Variants in CLSTN1 observed in about 807,000 individuals in gnomAD.
CLSTN1 encodes the protein calsyntenin-1.
In CLSTN1, 28 loss-of-function variants were observed where a neutral mutation model predicts 108.3. That is an observed-to-expected ratio of 0.26 (90% confidence interval 0.19 to 0.35). CLSTN1 has a LOEUF of 0.35. Ranked by LOEUF, CLSTN1 falls within the 10% of genes least tolerant of loss-of-function variation. CLSTN1 has a pLI of 1.00. For synonymous variants in CLSTN1, 524 were observed against 534.9 expected (o/e 0.98, Z 0.28); for missense variants, 1,157 against 1,302.6 (o/e 0.89, Z 1.72).
At chr1:9,817,219 T>C (rs969112747) in intron 1 of CLSTN1, among the ~76,000 whole-genome samples, 1 of 152,226 alleles carries the variant, frequency 6.6e-6, no homozygotes, top group Non-Finnish European at 1.5e-5. Context: ...CTTTTTAAGA[T>C]AATGATTCAT....
intron 2 of CLSTN1, among the ~76,000 whole-genome samples, chr1:9,770,081 AG>A (rs1652597670): frequency 6.6e-6 from 1 of 152,090 alleles, no homozygotes; most frequent in Non-Finnish European, 1.5e-5. Flanking sequence ...TCTCCAAAAA[AG>A]AAAAAAGAAA....
In CLSTN1 at chr1:9,749,624, A is replaced by G. The variant is rs1168133558; in HGVS notation, c.822T>C (p.Tyr274=). ...CGGCCAACGCGCCGGTGCCCGGCTC[A>G]TACTCAATCCTGTTGTTCCATCCTG... The part of the protein sequence containing the change: ...GWQGWNNRIE[Y]EPGTGALAVF... Residue 274 remains tyrosine, a synonymous_variant, in exon 7 of 19, where the codon TAT becomes TAC. Transcript: ENST00000377298. 3 of 1,614,102 alleles carry G rather than the reference A, an allele frequency of 1.9e-6. No homozygotes were observed. Among genetic ancestry groups the G allele is most frequent in the African/African-American group, 1.3e-5 (1 of 75,070 alleles).
intron 1 of CLSTN1, among the ~76,000 whole-genome samples, chr1:9,809,840 G>C (rs1654656153): frequency 1.3e-5 from 2 of 151,176 alleles, no homozygotes; most frequent in South Asian, 4.2e-4. Flanking sequence ...GACAGAGGTT[G>C]CAGTGAACCG....
chr1:9,741,195 TAG>T lies in CLSTN1; in HGVS notation c.1416_1417del (p.Tyr473CysfsTer13). 1.2e-6 allele frequency: 2 copies of T among 1,614,022 alleles called. No individual in the cohort carries two copies. The highest frequency in any genetic ancestry group is 8.5e-7 in the Non-Finnish European group (1 of 1,179,968). On this transcript the variant is annotated frameshift_variant, in exon 10 of 19. Coordinates refer to ENST00000377298, the MANE Select transcript of CLSTN1 (RefSeq NM_001009566.3). LOFTEE classifies it high-confidence loss of function. ...GGGCTCGTGGGACGTGCCATCCACA[TAG>T]AGAGTCACACTCGGGAATTCTACAT...
At chr1:9,764,611 T>G (rs1404034502) in intron 2 of CLSTN1, among the ~76,000 whole-genome samples, 1 of 135,910 alleles carries the variant, frequency 7.4e-6, no homozygotes, top group Non-Finnish European at 1.5e-5. Context: ...CATTCCAGCC[T>G]GGGTGATGAA....
At chr1:9,771,305 C>G (rs2101155820) in intron 2 of CLSTN1, among the ~76,000 whole-genome samples, 1 of 152,258 alleles carries the variant, frequency 6.6e-6, no homozygotes, top group Admixed American at 6.5e-5. Context: ...CATGGTGAAA[C>G]CTCGTCTCTA....
Position 9,741,132 on chromosome 1 carries a change from T to A in CLSTN1, c.1481A>T (p.Lys494Met). Residue 494 changes from lysine to methionine, a missense_variant, in exon 10 of 19, where the codon AAG becomes ATG. Transcript: ENST00000377298. ...CCCCACCACGAGCTGAGTTTCTATC[T>A]TGGATGGATGGAGCGGGTAATCCTC... ...VTEDYPLHPSKIETQLVVGAC... is the reference protein window; with the variant it reads ...VTEDYPLHPSMIETQLVVGAC... The A allele has an allele frequency of 6.2e-7, 1 of 1,614,096 alleles. No individual in the cohort carries two copies. The highest frequency in any genetic ancestry group is 8.5e-7 in the Non-Finnish European group (1 of 1,179,992).
intron 1 of CLSTN1, among the ~76,000 whole-genome samples, chr1:9,815,527 G>C (rs1282916193): frequency 6.6e-6 from 1 of 152,190 alleles, no homozygotes; most frequent in Non-Finnish European, 1.5e-5. Context: ...TAACAAACTA[G>C]AAAACTGTGA....
chr1:9,775,627 T>A (rs1293361842), intron 1 of CLSTN1, among the ~76,000 whole-genome samples: 1 of 152,136 alleles, frequency 6.6e-6, no homozygotes, highest in Non-Finnish European at 1.5e-5. Context: ...TCCTTTTATG[T>A]TCACCTTAAG....
Position 9,734,834 on chromosome 1 carries a change from C to G in CLSTN1, c.2110+114G>C. 1.2e-6 allele frequency: 1 copy of G among 866,616 alleles called. No individual in the cohort carries two copies. The allele number at this position is 866,616 out of a possible 1,614,324, so 53.7% of individuals were successfully genotyped here. On this transcript the variant is annotated intron_variant, in intron 14 of 18. Transcript: ENST00000377298. The surrounding 1 kb of genome is among the most constrained non-coding windows in gnomAD (Gnocchi z 4.8). ...AGAAGCACACCCGAGAGAACACCAA[C>G]GAAAGATTAAAACCTCCCCAAATCC... is the stretch of plus-strand genomic sequence containing the variant.
chr1:9,773,094 T>G (rs1652768083), intron 2 of CLSTN1, among the ~76,000 whole-genome samples, 178 bp downstream of exon 2: 1 of 152,170 alleles, frequency 6.6e-6, no homozygotes, highest in Admixed American at 6.6e-5. Flanking sequence ...AGAACAGGCC[T>G]TTTTGTCAGC....
chr1:9,737,664 A>T lies in CLSTN1; in HGVS notation c.1520-110T>A, dbSNP rs962220742. On this transcript the variant is annotated intron_variant, in intron 10 of 18. Transcript: ENST00000377298. ...AACCAACTATAAAACATGAAGAGAA[A>T]ATTCCCTCGTGATCCCGCTCTGGGA... is the stretch of plus-strand genomic sequence containing the variant. 1.5e-5 allele frequency: 14 copies of T among 936,278 alleles called. No individual in the cohort carries two copies. In the African/African-American group the frequency reaches 2.2e-4, roughly 14 times the overall value. The allele number at this position is 936,278 out of a possible 1,614,324, so 58.0% of individuals were successfully genotyped here.
rs765049139 is a variant in CLSTN1, at chr1:9,741,079, G to C, written c.1519+15C>G. The stretch of plus-strand genomic sequence containing the variant: ...CTTAATTCTCGAGTCGAGGGCGGGG[G>C]GTAATGACAGGTACCTTGCCAGCAA... On this transcript the variant is annotated intron_variant, in intron 10 of 18. Transcript: ENST00000377298. 1.2e-6 allele frequency: 2 copies of C among 1,609,628 alleles called. No individual in the cohort carries two copies. The highest frequency in any genetic ancestry group is 1.7e-6 in the Non-Finnish European group (2 of 1,176,964).
At chr1:9,812,954 A>G (rs960060216) in intron 1 of CLSTN1, among the ~76,000 whole-genome samples, 2 of 151,824 alleles carry the variant, frequency 1.3e-5, no homozygotes, top group African/African-American at 4.8e-5. Context: ...ACTTGAGGTC[A>G]GGAGCTCAAG....
intron 1 of CLSTN1, among the ~76,000 whole-genome samples, chr1:9,777,929 T>C (rs1461605514): frequency 6.6e-6 from 1 of 152,120 alleles, no homozygotes; most frequent in Non-Finnish European, 1.5e-5. Flanking sequence ...TCCTTCCTGC[T>C]GCTCTCACCA....
At chr1:9,807,584 G>T (rs1036562284) in intron 1 of CLSTN1, among the ~76,000 whole-genome samples, 2 of 152,148 alleles carry the variant, frequency 1.3e-5, no homozygotes, top group Admixed American at 1.3e-4. Flanking sequence ...AACACTAAGC[G>T]CGTCTGGCCC....
chr1:9,747,043 C>G (rs1651301223), intron 7 of CLSTN1, among the ~76,000 whole-genome samples: 1 of 150,534 alleles, frequency 6.6e-6, no homozygotes, highest in Admixed American at 6.6e-5. Context: ...AGCCAGGCAT[C>G]ATGGCACATG....
At chr1:9,783,818 C>A (rs1653359074) in intron 1 of CLSTN1, among the ~76,000 whole-genome samples, 1 of 152,130 alleles carries the variant, frequency 6.6e-6, no homozygotes, top group Non-Finnish European at 1.5e-5. Context: ...CATGGTGAAA[C>A]CCTGTCTCTA....
intron 1 of CLSTN1, among the ~76,000 whole-genome samples, chr1:9,810,383 G>A (rs1294204156): frequency 6.6e-6 from 1 of 151,088 alleles, no homozygotes; most frequent in Non-Finnish European, 1.5e-5. Flanking sequence ...GGCTGAGGCA[G>A]GAGAATTGCT....
Sources: gnomAD v4.1 joint callset for allele counts (sites outside exome capture counted in the v4.1 genomes callset) on GRCh38, gnomAD v4.1.1 for gene constraint, Gnocchi (gnomAD v3.1) non-coding constraint, MANE v1.5 for transcripts, NCBI Gene and HGNC (gene_info 2026-07-23, HGNC 2026-07-21) for gene names.